SPPL2A: variants seen among roughly 807,000 people sequenced by gnomAD.
SPPL2A encodes signal peptide peptidase like 2A, also known as signal peptide peptidase-like 2A.
Under a neutral mutation model 63.8 loss-of-function variants are expected in SPPL2A, and 51 were observed. The observed-to-expected ratio is 0.80, with a 90% CI of 0.64 to 1.01. The LOEUF is 1.01. Ranked by LOEUF, SPPL2A falls within the 50% of genes least tolerant of loss-of-function variation. The pLI is 0.00. For missense variants in SPPL2A, 553 were observed against 622.7 expected, an observed-to-expected ratio of 0.89 and a Z score of 1.19; for synonymous variants, 188 against 205.8, an observed-to-expected ratio of 0.91 and a Z score of 0.74.
At chr15:50,729,996 T>TAAAAAAA (rs10658387) in intron 10 of SPPL2A, among the ~76,000 whole-genome samples, 4 of 146,932 alleles carry the variant, frequency 2.7e-5, no homozygotes, top group Non-Finnish European at 3.0e-5. Flanking sequence ...CTCGGCCTTT[T>TAAAAAAA]AAAAAAAAAG....
chr15:50,758,481 GC>G (rs2062980312), intron 1 of SPPL2A, among the ~76,000 whole-genome samples: 1 of 150,482 alleles, frequency 6.6e-6, no homozygotes, highest in Non-Finnish European at 1.5e-5. Context: ...AAGAGCAGGT[GC>G]CCCCCTGGCC....
At chr15:50,740,630 A>T (rs1481997325) in intron 5 of SPPL2A, among the ~76,000 whole-genome samples, 1 of 138,494 alleles carries the variant, frequency 7.2e-6, no homozygotes, top group East Asian at 2.9e-4. Context: ...CTGTTTTTTG[A>T]GACAGAGTCT....
At chr15:50,748,472 T>A (rs1487869051) in intron 3 of SPPL2A, among the ~76,000 whole-genome samples, 1 of 151,794 alleles carries the variant, frequency 6.6e-6, no homozygotes, top group East Asian at 1.9e-4. Context: ...ATATATATAT[T>A]TGTTCCTAAC....
In SPPL2A at chr15:50,707,531, CA is replaced by C. The variant is rs977870809; in HGVS notation, c.*268del. 15 of 305,420 alleles carry C rather than the reference CA, an allele frequency of 4.9e-5. No individual in the cohort carries two copies. Among genetic ancestry groups the C allele is most frequent in the African/African-American group, 2.8e-4 (13 of 46,264 alleles). The allele number at this position is 305,420 out of a possible 1,614,324, so 18.9% of individuals were successfully genotyped here. A position where few individuals can be genotyped will look rare whatever the true frequency, so the allele number is the denominator to read the frequency against. ...AAAAAAGTATAGGGGTGGGTCAAGG[CA>C]TTTTTTTTTAGAAAAATATACTGTA... On this transcript the variant is annotated 3_prime_UTR_variant, in exon 15 of 15. Coordinates refer to ENST00000261854, the MANE Select transcript of SPPL2A (RefSeq NM_032802.4).
At chr15:50,756,002 C>A (rs547842797) in intron 1 of SPPL2A, among the ~76,000 whole-genome samples, 7 of 152,142 alleles carry the variant, frequency 4.6e-5, no homozygotes, top group African/African-American at 1.7e-4. Context: ...TATAAAAGAA[C>A]AGAACAGTGG....
intron 5 of SPPL2A, among the ~76,000 whole-genome samples, chr15:50,745,910 G>A (rs1008787995): frequency 7.9e-5 from 12 of 151,808 alleles, no homozygotes; most frequent in Admixed American, 3.3e-4. Flanking sequence ...AACTAGCCAG[G>A]CATGGTGGCA....
chr15:50,763,193 TCAGA>T (rs1456079838), intron 1 of SPPL2A, among the ~76,000 whole-genome samples: 5 of 152,034 alleles, frequency 3.3e-5, no homozygotes, highest in Non-Finnish European at 4.4e-5. Context: ...GTAGAAGACT[TCAGA>T]CAGAGTTGGA....
rs1003587027 is a variant in SPPL2A, at chr15:50,741,837, G to A, written c.585-2009C>T. ...AAAAATTAGCCAGGCATGGTGGCAC[G>A]TGCCTGTAATCCCAGCTACTTGAGA... On this transcript the variant is annotated intron_variant, in intron 5 of 14. Transcript: ENST00000261854. 4.6e-5 allele frequency among the ~76,000 whole-genome samples: 7 copies of A among 151,764 alleles called. No individual in the cohort carries two copies. In the South Asian group the frequency reaches 6.2e-4, roughly 14 times the overall value.
At chr15:50,737,042 T>C (rs555805653) in intron 6 of SPPL2A, among the ~76,000 whole-genome samples, 1 of 152,216 alleles carries the variant, frequency 6.6e-6, no homozygotes, top group African/African-American at 2.4e-5. Context: ...GCCTCCTGAA[T>C]AGCTGGGATT....
rs147999244 is a variant in SPPL2A at position 50,717,766 on chromosome 15, AAC to A, written c.1488+2172_1488+2173del. On this transcript the variant is annotated intron_variant, in intron 14 of 14. Coordinates refer to ENST00000261854, the MANE Select transcript of SPPL2A (RefSeq NM_032802.4). ...GGAAGACATGGTTCCTTCAACATGG[AAC>A]ACACAGCTCAGTCTTAAAGTCTGGA... Among the ~76,000 whole-genome samples the A allele has an allele frequency of 2.6e-3, 401 of 152,224 alleles. 1 individual carries two copies. Among genetic ancestry groups the A allele is most frequent in the African/African-American group, 9.2e-3 (382 of 41,530 alleles).
chr15:50,710,907 CA>C (rs2062551034), intron 14 of SPPL2A, among the ~76,000 whole-genome samples: 1 of 152,166 alleles, frequency 6.6e-6, no homozygotes, highest in African/African-American at 2.4e-5. Context: ...TATTGCTGCA[CA>C]AATTTAACTC....
intron 14 of SPPL2A, among the ~76,000 whole-genome samples, chr15:50,713,269 T>C (rs573057333): frequency 7.8e-6 from 1 of 128,804 alleles, no homozygotes; most frequent in South Asian, 2.5e-4. Flanking sequence ...TTCCTGAGTA[T>C]TTTTTTTTTT....
At chr15:50,735,061 T>A (rs913705189) in intron 8 of SPPL2A, among the ~76,000 whole-genome samples, 2 of 152,080 alleles carry the variant, frequency 1.3e-5, no homozygotes, top group African/African-American at 4.8e-5. Flanking sequence ...CATGCCACCA[T>A]GCCCGGCTAA....
intron 1 of SPPL2A, among the ~76,000 whole-genome samples, chr15:50,752,129 C>T (rs1222172097): frequency 3.9e-5 from 6 of 152,206 alleles, no homozygotes; most frequent in African/African-American, 1.4e-4. Flanking sequence ...CTGCACCCAG[C>T]CATATCCTTC....
intron 10 of SPPL2A, among the ~76,000 whole-genome samples, chr15:50,728,155 G>C (rs1215612921): frequency 6.6e-6 from 1 of 152,118 alleles, no homozygotes; most frequent in Non-Finnish European, 1.5e-5. Context: ...TTTAGTTACA[G>C]TTTACAGCTG....
chr15:50,742,501 G>C (rs980431328), intron 5 of SPPL2A, among the ~76,000 whole-genome samples: 1 of 152,124 alleles, frequency 6.6e-6, no homozygotes. Flanking sequence ...ATTTTGGGTT[G>C]TGAGGTCCTG....
intron 14 of SPPL2A, among the ~76,000 whole-genome samples, chr15:50,709,628 A>T (rs915620087): frequency 6.6e-6 from 1 of 151,996 alleles, no homozygotes; most frequent in African/African-American, 2.4e-5. Context: ...TGTCTCTACT[A>T]AAAATACAAA....
intron 5 of SPPL2A, among the ~76,000 whole-genome samples, 154 bp downstream of exon 5, chr15:50,747,341 T>G (rs1309354868): frequency 6.6e-6 from 1 of 152,152 alleles, no homozygotes; most frequent in African/African-American, 2.4e-5. Flanking sequence ...CTGGTGAAAA[T>G]GTAAATGATC....
At chr15:50,749,348 CAT>C (rs1329434051) in intron 2 of SPPL2A, among the ~76,000 whole-genome samples, 1 of 152,082 alleles carries the variant, frequency 6.6e-6, no homozygotes, top group Non-Finnish European at 1.5e-5. Flanking sequence ...AGTGCAGTGG[CAT>C]GATCTCAGCT....
Sources: allele counts gnomAD v4.1 joint callset (sites outside exome capture counted in the v4.1 genomes callset), GRCh38; gene constraint gnomAD v4.1.1; transcripts MANE v1.5; gene names NCBI Gene and HGNC (gene_info 2026-07-23, HGNC 2026-07-21).